The following NDUFC2 variants were observed in gnomAD, a reference collection of about 807,000 sequenced individuals.
NDUFC2 encodes NADH dehydrogenase [ubiquinone] 1 subunit C2.
A neutral mutation model predicts 10.1 loss-of-function variants in NDUFC2; 2 were observed. That is an observed-to-expected ratio of 0.20 (90% confidence interval 0.08 to 0.62). NDUFC2 has a LOEUF of 0.62. Among genes scored for constraint, NDUFC2 ranks in the 20% least tolerant of loss-of-function variants. The probability of loss-of-function intolerance (pLI) is 0.87; values close to 1 mark genes in which losing one functional copy is unlikely to be tolerated. For synonymous variants in NDUFC2, 61 were observed against 63.6 expected, an observed-to-expected ratio of 0.96 and a Z score of 0.20; for missense variants, 156 against 159.6, an observed-to-expected ratio of 0.98 and a Z score of 0.12.
intron 1 of NDUFC2, among the ~76,000 whole-genome samples, chr11:78,073,877 CT>C (rs879863501): frequency 1.8e-3 from 242 of 131,116 alleles, no homozygotes; most frequent in Middle Eastern, 3.7e-3. Context: ...CCTACATATT[CT>C]TTTTTTTTTT....
In NDUFC2 at chr11:78,079,824, A is replaced by C; in HGVS notation, c.-80T>G. 6.7e-7 allele frequency: 1 copy of C among 1,492,460 alleles called. No homozygotes were observed. Among genetic ancestry groups the C allele is most frequent in the Non-Finnish European group, 8.9e-7 (1 of 1,120,814 alleles). 92.5% of individuals were successfully genotyped at this position (1,492,460 alleles called of 1,614,324 possible). A position where few individuals can be genotyped will look rare whatever the true frequency, so the allele number is the denominator to read the frequency against. Reference sequence around the variant, plus strand: ...CCACGACGACCACTACCCCGGCCTAAGCGGTCAGCTTTCTCCTCCTCCTCT... The same window carrying C: ...CCACGACGACCACTACCCCGGCCTACGCGGTCAGCTTTCTCCTCCTCCTCT... On this transcript the variant is annotated 5_prime_UTR_variant, in exon 1 of 3. Coordinates refer to ENST00000281031, the MANE Select transcript of NDUFC2 (RefSeq NM_004549.6).
chr11:78,079,547 C>CTCCCAGCCGA (rs1364422709), intron 1 of NDUFC2, 32 bp downstream of exon 1: 1 of 1,546,758 alleles, frequency 6.5e-7, no homozygotes. Context: ...ACCCCTTCTC[C>CTCCCAGCCGA]TCCCAGCCGA....
chr11:78,070,516 A>G (rs1030212498), intron 2 of NDUFC2, among the ~76,000 whole-genome samples: 2 of 152,200 alleles, frequency 1.3e-5, no homozygotes, highest in African/African-American at 4.8e-5. Flanking sequence ...AGTTTAAGGC[A>G]TTTTGTTATA....
At chr11:78,072,749 C>G (rs1361985436) in intron 2 of NDUFC2, 1 of 559,846 alleles carries the variant, frequency 1.8e-6, no homozygotes, top group East Asian at 3.0e-5. Flanking sequence ...TAGTGCCATT[C>G]TCTGAAGCAG....
At chr11:78,079,465 G>T in intron 1 of NDUFC2, 114 bp downstream of exon 1, 1 of 1,407,942 alleles carries the variant, frequency 7.1e-7, no homozygotes, top group African/African-American at 1.5e-5. Context: ...GATGGGGCCA[G>T]CTAGGCAAAA....
rs1181789817 is a variant in NDUFC2, at chr11:78,079,803, G to C, written c.-59C>G. On this transcript the variant is annotated 5_prime_UTR_variant, in exon 1 of 3. Transcript: ENST00000281031. Reference sequence around the variant, plus strand: ...GACCACGAACTACAAGGAAAACCACGACGACCACTACCCCGGCCTAAGCGG... The same window carrying C: ...GACCACGAACTACAAGGAAAACCACCACGACCACTACCCCGGCCTAAGCGG... 9 of 1,546,008 alleles carry C rather than the reference G, an allele frequency of 5.8e-6. No homozygotes were observed. The highest frequency in any genetic ancestry group is 5.2e-6 in the Non-Finnish European group (6 of 1,151,418).
At chr11:78,073,319 C>G (rs368556934) in intron 1 of NDUFC2, among the ~76,000 whole-genome samples, 178 bp from the exon 2 acceptor site, 4 of 151,476 alleles carry the variant, frequency 2.6e-5, no homozygotes, top group African/African-American at 9.7e-5. Context: ...TGGTGAAACC[C>G]TGTCTCTACT....
intron 1 of NDUFC2, among the ~76,000 whole-genome samples, chr11:78,076,738 A>G (rs1217174858): frequency 6.6e-6 from 1 of 152,292 alleles, no homozygotes; most frequent in Non-Finnish European, 1.5e-5. Context: ...CTTAACTGCT[A>G]TACTCTTCTG....
At chr11:78,077,130 A>G (rs1859282891) in intron 1 of NDUFC2, among the ~76,000 whole-genome samples, 1 of 152,048 alleles carries the variant, frequency 6.6e-6, no homozygotes, top group South Asian at 2.1e-4. Flanking sequence ...CATCTCTACA[A>G]AAAATTTTAA....
intron 2 of NDUFC2, 197 bp downstream of exon 2, chr11:78,072,801 G>A (rs1859065678): frequency 2.8e-6 from 2 of 720,184 alleles, no homozygotes; most frequent in African/African-American, 1.8e-5. Context: ...GAGGGGATAT[G>A]AGTTTTGTTT....
At chr11:78,077,372 G>T (rs1273815920) in intron 1 of NDUFC2, among the ~76,000 whole-genome samples, 3 of 152,000 alleles carry the variant, frequency 2.0e-5, no homozygotes, top group Non-Finnish European at 4.4e-5. Flanking sequence ...TAAGGAAGGG[G>T]AACTCTGTCC....
At chr11:78,075,923 G>A (rs1859228804) in intron 1 of NDUFC2, among the ~76,000 whole-genome samples, 1 of 152,000 alleles carries the variant, frequency 6.6e-6, no homozygotes, top group Non-Finnish European at 1.5e-5. Flanking sequence ...CCAGGTACTC[G>A]CCAGGGCTGT....
At chr11:78,070,162 C>A (rs545501058) in intron 2 of NDUFC2, 126 bp from the exon 3 acceptor site, 1,430 of 695,860 alleles carry the variant, frequency 2.1e-3, no homozygotes, top group Non-Finnish European at 2.9e-3. Flanking sequence ...ATGTTCATGT[C>A]CCCCCAAAGT....
intron 2 of NDUFC2, among the ~76,000 whole-genome samples, chr11:78,072,287 C>T (rs891981749): frequency 1.6e-4 from 25 of 152,332 alleles, no homozygotes; most frequent in African/African-American, 5.0e-4. Flanking sequence ...AAGCGATTCT[C>T]CTGCCTCAGC....
chr11:78,070,266 G>A (rs1858945851), intron 2 of NDUFC2, among the ~76,000 whole-genome samples: 1 of 152,056 alleles, frequency 6.6e-6, no homozygotes, highest in South Asian at 2.1e-4. Context: ...CTCATGAGGG[G>A]GATCGGCTTA....
intron 1 of NDUFC2, among the ~76,000 whole-genome samples, chr11:78,073,406 C>T (rs1859102120): frequency 6.6e-6 from 1 of 151,998 alleles, no homozygotes; most frequent in Non-Finnish European, 1.5e-5. Context: ...GCAGGCGAAT[C>T]ATTGGAACCT....
intron 1 of NDUFC2, among the ~76,000 whole-genome samples, chr11:78,075,379 G>A (rs374303721): frequency 6.6e-6 from 1 of 152,100 alleles, no homozygotes; most frequent in Non-Finnish European, 1.5e-5. Context: ...ACATAAAGAA[G>A]GGGTGAATGT....
intron 2 of NDUFC2, among the ~76,000 whole-genome samples, chr11:78,071,944 T>A (rs1169521416): frequency 2.0e-5 from 3 of 152,200 alleles, no homozygotes; most frequent in Non-Finnish European, 4.4e-5. Flanking sequence ...ATATCCACTA[T>A]TATGCATAAG....
In NDUFC2 at chr11:78,069,710, T is replaced by C. The variant is rs180847938; in HGVS notation, c.*277A>G. ...GCATGGCTGTGTTCCAATGAGACTTTATTGGCAGTGGGCCAGATTTGGGTA... is the reference window on the plus strand; with the variant it reads ...GCATGGCTGTGTTCCAATGAGACTTCATTGGCAGTGGGCCAGATTTGGGTA... On this transcript the variant is annotated 3_prime_UTR_variant, in exon 3 of 3. Coordinates refer to ENST00000281031, the MANE Select transcript of NDUFC2 (RefSeq NM_004549.6). The C allele has an allele frequency of 3.1e-6, 2 of 637,848 alleles. No homozygotes were observed. The highest frequency in any genetic ancestry group is 2.8e-5 in the East Asian group (1 of 36,208). 39.5% of individuals were successfully genotyped at this position (637,848 alleles called of 1,614,324 possible).
Sources: gnomAD v4.1 joint callset for allele counts (sites outside exome capture counted in the v4.1 genomes callset) on GRCh38, gnomAD v4.1.1 for gene constraint, MANE v1.5 for transcripts, NCBI Gene and HGNC (gene_info 2026-07-23, HGNC 2026-07-21) for gene names.